NFIB: variants seen among roughly 807,000 people sequenced by gnomAD.
NFIB encodes the protein nuclear factor I B, also known as nuclear factor 1 B-type.
In NFIB, 11 loss-of-function variants were observed where a neutral mutation model predicts 61.5. That is an observed-to-expected ratio of 0.18 (90% CI 0.11 to 0.30). The LOEUF is 0.30. NFIB is among the 10% of genes least tolerant of loss of function. The probability of loss-of-function intolerance (pLI) is 1.00; values close to 1 mark genes in which losing one functional copy is unlikely to be tolerated. For synonymous variants in NFIB, 260 were observed against 216.5 expected (o/e 1.20, Z -1.76); for missense variants, 471 against 608.9 (o/e 0.77, Z 2.38).
At chr9:14,462,500 T>A in the NFIB span, among the ~76,000 whole-genome samples, 7 of 152,192 alleles carry the variant, frequency 4.6e-5, no homozygotes, top group South Asian at 1.2e-3. Flanking sequence ...GCCAGGATGG[T>A]CTGGATCTCC....
At chr9:14,228,928 T>C (rs528279359) in intron 2 of NFIB, among the ~76,000 whole-genome samples, 7 of 152,140 alleles carry the variant, frequency 4.6e-5, no homozygotes, top group African/African-American at 1.7e-4. Flanking sequence ...AATTCCTTTA[T>C]CTCTTTTACT....
chr9:14,277,947 A>C (rs1263416453), intron 2 of NFIB, among the ~76,000 whole-genome samples: 1 of 152,158 alleles, frequency 6.6e-6, no homozygotes. Context: ...CTACATGGCA[A>C]AGCGCTCACA....
intron 1 of NFIB, among the ~76,000 whole-genome samples, chr9:14,338,893 C>G (rs1168735177): frequency 1.3e-5 from 2 of 151,146 alleles, no homozygotes; most frequent in African/African-American, 4.9e-5. Context: ...TCTTTCTGAA[C>G]CTTTGCGATA....
At chr9:14,117,008 G>A (rs1198386844) in intron 8 of NFIB, among the ~76,000 whole-genome samples, 1 of 152,162 alleles carries the variant, frequency 6.6e-6, no homozygotes, top group East Asian at 1.9e-4. Flanking sequence ...GATAGAATAA[G>A]ATGTAAAGCA....
the NFIB span, among the ~76,000 whole-genome samples, chr9:14,415,319 T>C: frequency 6.6e-6 from 1 of 152,178 alleles, no homozygotes; most frequent in Non-Finnish European, 1.5e-5. Flanking sequence ...CTGGGGCAAT[T>C]TCACTAGCAA....
chr9:14,117,839 G>A (rs1187493461), intron 8 of NFIB, among the ~76,000 whole-genome samples: 3 of 152,028 alleles, frequency 2.0e-5, no homozygotes, highest in Non-Finnish European at 2.9e-5. Context: ...CACTATAATT[G>A]GTGCAGCAGT....
intron 4 of NFIB, among the ~76,000 whole-genome samples, chr9:14,155,481 T>A (rs149151130): frequency 6.6e-6 from 1 of 152,298 alleles, no homozygotes; most frequent in Non-Finnish European, 1.5e-5. Context: ...AGGAAACTTA[T>A]GTGGGTTATC....
chr9:14,289,081 C>CGCGTGT (rs1554703167), intron 2 of NFIB, among the ~76,000 whole-genome samples: 14 of 142,404 alleles, frequency 9.8e-5, no homozygotes, highest in Non-Finnish European at 2.0e-4. Flanking sequence ...TTTTCCAAAG[C>CGCGTGT]GTGTGTGTGT....
chr9:14,222,706 G>T (rs990935058), intron 2 of NFIB, among the ~76,000 whole-genome samples: 1 of 141,484 alleles, frequency 7.1e-6, no homozygotes, highest in Admixed American at 7.6e-5. Flanking sequence ...GAGCTGGGAG[G>T]ATGGCTTAAG....
intron 2 of NFIB, among the ~76,000 whole-genome samples, chr9:14,301,835 T>C (rs1453441696): frequency 6.6e-6 from 1 of 152,214 alleles, no homozygotes; most frequent in Non-Finnish European, 1.5e-5. Flanking sequence ...TCACAATATA[T>C]GTTCCCACAA....
At chr9:14,289,916 G>C (rs987998188) in intron 2 of NFIB, among the ~76,000 whole-genome samples, 6 of 152,026 alleles carry the variant, frequency 3.9e-5, no homozygotes, top group African/African-American at 1.4e-4. Flanking sequence ...AAAATGTTTG[G>C]GATTTTAAAG....
chr9:14,450,159 G>A, the NFIB span, among the ~76,000 whole-genome samples: 91 of 151,784 alleles, frequency 6.0e-4, 1 homozygote, highest in African/African-American at 2.0e-3. Flanking sequence ...GTGATGTTCC[G>A]CTCCCTGTGT....
At position 14,087,440 on chromosome 9, in the gene NFIB, C is replaced by T. The variant is rs1419352653; in HGVS notation, c.*869G>A. 4.6e-6 allele frequency: 1 copy of T among 216,538 alleles called. No homozygotes were observed. Among genetic ancestry groups the T allele is most frequent in the Non-Finnish European group, 9.3e-6 (1 of 107,256 alleles). The allele number at this position is 216,538 out of a possible 1,614,324, so 13.4% of individuals were successfully genotyped here. A position where few individuals can be genotyped will look rare whatever the true frequency, so the allele number is the denominator to read the frequency against. The stretch of plus-strand genomic sequence containing the variant: ...ATAAATTTATAAATTGCACTTGCCT[C>T]TGTTAAGTGTTTCTTTTGTGGGGAA... On this transcript the variant is annotated 3_prime_UTR_variant, in exon 11 of 11. Coordinates refer to ENST00000380953, the MANE Select transcript of NFIB (RefSeq NM_001190737.2).
the NFIB span, among the ~76,000 whole-genome samples, chr9:14,486,196 A>G: frequency 2.6e-5 from 4 of 152,198 alleles, no homozygotes; most frequent in African/African-American, 7.2e-5. Context: ...AGAATATTGA[A>G]AGAAGGCTTG....
intron 2 of NFIB, among the ~76,000 whole-genome samples, chr9:14,262,700 G>C (rs1322990): frequency 6.6e-6 from 1 of 152,052 alleles, no homozygotes. Flanking sequence ...TAACTTACTA[G>C]AGACAGAACC....
chr9:14,520,399 C>T, the NFIB span, among the ~76,000 whole-genome samples: 25 of 152,310 alleles, frequency 1.6e-4, no homozygotes, highest in South Asian at 2.3e-3. Flanking sequence ...AGACCCAGCC[C>T]GGCAGGCATT....
chr9:14,360,882 C>T (rs572165315), intron 1 of NFIB, among the ~76,000 whole-genome samples: 40 of 152,026 alleles, frequency 2.6e-4, no homozygotes, highest in Non-Finnish European at 3.1e-4. Flanking sequence ...TGATGTTGTA[C>T]CTTTGGTTAA....
the NFIB span, among the ~76,000 whole-genome samples, chr9:14,455,988 G>A: frequency 1.3e-5 from 2 of 152,240 alleles, no homozygotes; most frequent in East Asian, 3.9e-4. Flanking sequence ...AATAGTCAGT[G>A]GGAAAAGATG....
At chr9:14,256,199 T>C (rs2056205940) in intron 2 of NFIB, among the ~76,000 whole-genome samples, 1 of 152,166 alleles carries the variant, frequency 6.6e-6, no homozygotes, top group African/African-American at 2.4e-5. Context: ...AAAACACTAA[T>C]CAAATTCCAG....
Sources: allele counts gnomAD v4.1 joint callset (sites outside exome capture counted in the v4.1 genomes callset), GRCh38; gene constraint gnomAD v4.1.1; transcripts MANE v1.5; gene names NCBI Gene and HGNC (gene_info 2026-07-23, HGNC 2026-07-21).